TTC6: variants seen among roughly 807,000 people sequenced by gnomAD.
TTC6 encodes tetratricopeptide repeat protein 6.
Under a neutral mutation model 210.4 loss-of-function variants are expected in TTC6, and 172 were observed. The observed-to-expected ratio is 0.82, with a 90% confidence interval of 0.72 to 0.93. The LOEUF is 0.93. Among genes scored for constraint, TTC6 ranks in the 40% least tolerant of loss-of-function variants. The pLI is 0.00. For synonymous variants in TTC6, 804 were observed against 819.6 expected, an observed-to-expected ratio of 0.98 and a Z score of 0.32; for missense variants, 2,414 against 2,318.1, an observed-to-expected ratio of 1.04 and a Z score of -0.85.
chr14:37,768,330 C>A (rs1000796669), intron 14 of TTC6, among the ~76,000 whole-genome samples: 6 of 151,542 alleles, frequency 4.0e-5, no homozygotes, highest in African/African-American at 1.5e-4. Flanking sequence ...TTTTCCAATT[C>A]TGTGAAGAAA....
intron 1 of TTC6, among the ~76,000 whole-genome samples, chr14:37,657,488 C>G (rs757145731): frequency 6.6e-6 from 1 of 151,790 alleles, no homozygotes; most frequent in Non-Finnish European, 1.5e-5. Context: ...ACGAGGACGC[C>G]GAGCCAAGAA....
At chr14:37,695,250 T>C (rs1428266502) in intron 3 of TTC6, among the ~76,000 whole-genome samples, 1 of 151,942 alleles carries the variant, frequency 6.6e-6, no homozygotes, top group Non-Finnish European at 1.5e-5. Context: ...GAAGAGAGGC[T>C]TGATGGGTGT....
At chr14:37,827,467 C>A in intron 29 of TTC6, 101 bp downstream of exon 31, 1 of 1,067,148 alleles carries the variant, frequency 9.4e-7, no homozygotes, top group Non-Finnish European at 1.3e-6. Context: ...GCTAATAATG[C>A]ATTGGCTATT....
intron 18 of TTC6, among the ~76,000 whole-genome samples, 163 bp from the exon 21 acceptor site, chr14:37,796,131 A>G (rs1373007445): frequency 1.3e-5 from 2 of 152,164 alleles, no homozygotes; most frequent in Admixed American, 6.5e-5. Context: ...GCTAATTGAT[A>G]TATTTAGTTT....
At chr14:37,803,113 T>G (rs2096110713) in intron 20 of TTC6, among the ~76,000 whole-genome samples, 2 of 152,158 alleles carry the variant, frequency 1.3e-5, no homozygotes, top group Admixed American at 6.6e-5. Context: ...ATTTGGAGAT[T>G]TTGGTCTCTG....
chr14:37,820,893 CCTT>C (rs1470615748), intron 26 of TTC6, among the ~76,000 whole-genome samples: 2 of 150,536 alleles, frequency 1.3e-5, no homozygotes, highest in African/African-American at 4.9e-5. Flanking sequence ...TCCTTCTCCT[CCTT>C]CTCCTCCTTC....
chr14:37,722,128 C>T (rs578200189), intron 6 of TTC6, among the ~76,000 whole-genome samples: 1 of 152,004 alleles, frequency 6.6e-6, no homozygotes, highest in East Asian at 1.9e-4. Flanking sequence ...CTTGGGTCAT[C>T]AGTATGAACA....
chr14:37,728,958 C>G (rs1379864938), intron 7 of TTC6, among the ~76,000 whole-genome samples: 1 of 152,154 alleles, frequency 6.6e-6, no homozygotes, highest in Non-Finnish European at 1.5e-5. Flanking sequence ...TTTCGTATAT[C>G]CATTCAGACA....
intron 14 of TTC6, among the ~76,000 whole-genome samples, chr14:37,759,053 A>G (rs910330404): frequency 1.3e-5 from 2 of 152,096 alleles, no homozygotes; most frequent in South Asian, 2.1e-4. Context: ...TGGGCAGATC[A>G]TGAGATCAGG....
chr14:37,765,302 A>G (rs2095995557), intron 14 of TTC6, among the ~76,000 whole-genome samples: 1 of 151,038 alleles, frequency 6.6e-6, no homozygotes, highest in Admixed American at 6.6e-5. Context: ...AGCTAGGACT[A>G]TAGGTGCACA....
intron 5 of TTC6, among the ~76,000 whole-genome samples, chr14:37,705,544 A>T (rs1443740887): frequency 6.6e-6 from 1 of 152,128 alleles, no homozygotes; most frequent in African/African-American, 2.4e-5. Context: ...TTTGTAACCT[A>T]ACTTTTAAAA....
chr14:37,802,585 A>G (rs1159070660), intron 20 of TTC6, among the ~76,000 whole-genome samples: 3 of 152,088 alleles, frequency 2.0e-5, no homozygotes, highest in Non-Finnish European at 2.9e-5. Flanking sequence ...GCCATGCCCA[A>G]TCTCCGGACC....
chr14:37,694,625 C>A (rs1389848648), intron 3 of TTC6, among the ~76,000 whole-genome samples: 2 of 152,172 alleles, frequency 1.3e-5, no homozygotes, highest in African/African-American at 4.8e-5. Flanking sequence ...ATCTGCACTT[C>A]CATGTTTGTT....
chr14:37,656,081 GAAAC>G (rs199795419), intron 1 of TTC6, among the ~76,000 whole-genome samples: 2 of 151,962 alleles, frequency 1.3e-5, no homozygotes, highest in Admixed American at 6.6e-5. Context: ...GATTTTTTTG[GAAAC>G]AAACAAATGT....
rs1458947717 is a variant in TTC6, at chr14:37,782,514, A to G, written c.3267-4954A>G. Among the ~76,000 whole-genome samples, 3 of 152,022 alleles carry G rather than the reference A, an allele frequency of 2.0e-5. No individual in the cohort carries two copies. The East Asian group carries it at 5.8e-4, about 29-fold the overall frequency. On this transcript the variant is annotated intron_variant, in intron 14 of 30. Transcript: ENST00000553443. ...CTTTGCTGAAGTTGCTTATCAGCTT[A>G]AGGAGATTTTGGGCTGAGACGATGG...
exon 1 of TTC6, chr14:37,622,873 C>T (rs1191366178): frequency 3.9e-6 from 6 of 1,534,994 alleles, no homozygotes; most frequent in East Asian, 4.9e-5. Flanking sequence ...CTGCTGCCCT[C>T]CCGCGTGATC....
At chr14:37,821,640 T>C (rs2096157434) in intron 26 of TTC6, among the ~76,000 whole-genome samples, 1 of 152,134 alleles carries the variant, frequency 6.6e-6, no homozygotes, top group Non-Finnish European at 1.5e-5. Flanking sequence ...CTGTTATTTT[T>C]CATGGCCTGG....
At chr14:37,736,918 C>A (rs1305312611) in intron 8 of TTC6, among the ~76,000 whole-genome samples, 1 of 151,966 alleles carries the variant, frequency 6.6e-6, no homozygotes, top group Non-Finnish European at 1.5e-5. Flanking sequence ...CTATACACAG[C>A]TAGTTTATTT....
exon 31 of TTC6, chr14:37,842,393 C>A: frequency 9.2e-7 from 1 of 1,092,502 alleles, no homozygotes; most frequent in Non-Finnish European, 1.2e-6. Flanking sequence ...TTATTGTATT[C>A]GTTATGCTTA....
Sources: allele counts gnomAD v4.1 joint callset (sites outside exome capture counted in the v4.1 genomes callset), GRCh38; gene constraint gnomAD v4.1.1; transcripts MANE v1.5; gene names NCBI Gene and HGNC (gene_info 2026-07-23, HGNC 2026-07-21).